Variants in LAMA3 observed in about 807,000 individuals in gnomAD.
The protein encoded by LAMA3 is laminin subunit alpha 3.
Under a neutral mutation model 402.0 loss-of-function variants are expected in LAMA3, and 281 were observed. The ratio of observed to expected loss-of-function variants is 0.70; its 90% confidence interval spans 0.63 to 0.77. The LOEUF (loss-of-function observed/expected upper bound fraction) is 0.77. Among genes scored for constraint, LAMA3 ranks in the 30% least tolerant of loss-of-function variants. LAMA3 has a pLI of 0.00. For missense variants in LAMA3, 3,840 were observed against 4,215.5 expected (o/e 0.91, Z 2.47); for synonymous variants, 1,431 against 1,558.4 (o/e 0.92, Z 1.93).
intron 35 of LAMA3, among the ~76,000 whole-genome samples, chr18:23,863,654 A>G (rs1352430353): frequency 6.6e-6 from 1 of 152,250 alleles, no homozygotes; most frequent in Non-Finnish European, 1.5e-5. Flanking sequence ...TACAGACTCT[A>G]GGGAAAAGCT....
chr18:23,791,752 A>C (rs1263327682), intron 12 of LAMA3, among the ~76,000 whole-genome samples: 1 of 151,460 alleles, frequency 6.6e-6, no homozygotes, highest in Non-Finnish European at 1.5e-5. Flanking sequence ...AAAAAAAAAA[A>C]AAAACCACAA....
At chr18:23,820,945 A>G (rs1479209450) in intron 19 of LAMA3, among the ~76,000 whole-genome samples, 1 of 152,154 alleles carries the variant, frequency 6.6e-6, no homozygotes, top group Non-Finnish European at 1.5e-5. Context: ...CTGAAATGGT[A>G]CCTAGGATCT....
At chr18:23,794,508 C>T (rs1036630926) in intron 12 of LAMA3, among the ~76,000 whole-genome samples, 13 of 152,200 alleles carry the variant, frequency 8.5e-5, no homozygotes, top group African/African-American at 2.9e-4. Flanking sequence ...TCCTACCACT[C>T]ACCTCTCCAC....
intron 12 of LAMA3, among the ~76,000 whole-genome samples, chr18:23,797,407 C>T (rs111629283): frequency 3.3e-5 from 5 of 152,252 alleles, no homozygotes; most frequent in African/African-American, 1.2e-4. Context: ...TTTGCTCTTT[C>T]TTGCTTTAAA....
chr18:23,889,339 AT>A (rs1334305310), intron 41 of LAMA3, among the ~76,000 whole-genome samples: 1 of 152,126 alleles, frequency 6.6e-6, no homozygotes, highest in African/African-American at 2.4e-5. Flanking sequence ...AGGCAGAAGG[AT>A]TGCTTGAGCC....
chr18:23,908,118 G>A (rs2081311927), intron 54 of LAMA3, among the ~76,000 whole-genome samples, 183 bp downstream of exon 54: 1 of 152,114 alleles, frequency 6.6e-6, no homozygotes, highest in Non-Finnish European at 1.5e-5. Context: ...GGACCAGACA[G>A]GATTTTTAAT....
At chr18:23,722,527 C>T (rs1457008923) in intron 2 of LAMA3, among the ~76,000 whole-genome samples, 1 of 152,222 alleles carries the variant, frequency 6.6e-6, no homozygotes, top group Non-Finnish European at 1.5e-5. Flanking sequence ...GTCTTGCTAT[C>T]ATCATGGACA....
chr18:23,949,959 AT>A (rs758599975), intron 71 of LAMA3, 35 bp downstream of exon 71: 2 of 1,614,004 alleles, frequency 1.2e-6, no homozygotes, highest in Admixed American at 3.3e-5. Context: ...AAGTCTTTGC[AT>A]CTTAAGAACT....
At chr18:23,836,104 GATACAC>G (rs963657825) in intron 24 of LAMA3, among the ~76,000 whole-genome samples, 1 of 75,716 alleles carries the variant, frequency 1.3e-5, no homozygotes, top group Non-Finnish European at 2.5e-5. Context: ...TGTTTTAATG[GATACAC>G]ACACACACAC....
Position 23,951,740 on chromosome 18 carries a change from GC to G in LAMA3, c.9700del (p.Gln3234SerfsTer15), listed in dbSNP as rs756212282. 47 of 1,613,908 alleles carry G rather than the reference GC, an allele frequency of 2.9e-5. No individual in the cohort carries two copies. The highest frequency in any genetic ancestry group is 1.5e-4 in the Admixed American group (9 of 60,000). ...GGTSTSVTPK[Q>X]SLCDGQWHSV... ...GGACCTCAACGTCGGTCACACCAAA[GC>G]AGTCTCTGTGTGATGGACAGTGGCA... On this transcript the variant is annotated frameshift_variant, in exon 73 of 75. Coordinates refer to ENST00000313654, the MANE Select transcript of LAMA3 (RefSeq NM_198129.4). LOFTEE classifies it high-confidence loss of function.
intron 7 of LAMA3, among the ~76,000 whole-genome samples, 175 bp downstream of exon 7, chr18:23,758,686 T>C (rs1360744407): frequency 6.6e-6 from 1 of 152,240 alleles, no homozygotes; most frequent in Non-Finnish European, 1.5e-5. Flanking sequence ...CTCCTCTGAA[T>C]TCAGATGTAC....
chr18:23,903,879 C>G, intron 49 of LAMA3, 54 bp from the exon 50 acceptor site: 1 of 1,389,964 alleles, frequency 7.2e-7, no homozygotes, highest in Non-Finnish European at 1.0e-6. Context: ...GAGAAATCAG[C>G]ACCTACATTC....
intron 69 of LAMA3, 140 bp from the exon 70 acceptor site, chr18:23,946,004 G>A (rs757062223): frequency 1.2e-6 from 1 of 824,918 alleles, no homozygotes; most frequent in African/African-American, 1.7e-5. Context: ...GATAACCGGA[G>A]GAAAAAATCT....
rs1477546359 is a variant in LAMA3, at chr18:23,894,995, G to A, written c.5550G>A (p.Leu1850=). Residue 1850 remains leucine (L), a synonymous_variant, in exon 44 of 75, where the codon CTG becomes CTA. Transcript: ENST00000313654. ...LRLVKSQLQG[L]SASAGLLEQM... is the part of the protein sequence containing the mutation. ...TGGTCAAGTCTCAGCTGCAGGGCCT[G>A]AGTGCCAGCGCAGGGCTTCTGGAGC... is the stretch of plus-strand genomic sequence containing the variant. 1 of 1,613,446 alleles carries A rather than the reference G, an allele frequency of 6.2e-7. No homozygotes were observed. The highest frequency in any genetic ancestry group is 1.1e-5 in the South Asian group (1 of 90,930).
Position 23,850,746 on chromosome 18 carries a change from T to C in LAMA3, c.4136+3078T>C, listed in dbSNP as rs548106630. Among the ~76,000 whole-genome samples the C allele has an allele frequency of 1.9e-4, 29 of 152,342 alleles. No individual in the cohort carries two copies. The South Asian group carries it at 5.8e-3, about 30-fold the overall frequency. On this transcript the variant is annotated intron_variant, in intron 32 of 74. Transcript: ENST00000313654. ...GTAAATTTGCATCTGCTCCTAGTAA[T>C]GGAAGATATGTGCCATCAGATTCTC...
At chr18:23,909,499 T>C (rs2081362716) in intron 55 of LAMA3, among the ~76,000 whole-genome samples, 1 of 152,258 alleles carries the variant, frequency 6.6e-6, no homozygotes, top group Admixed American at 6.5e-5. Context: ...TTATCTGGTA[T>C]ATCAGGATCC....
At chr18:23,894,804 A>G in intron 43 of LAMA3, 103 bp from the exon 44 acceptor site, 1 of 1,450,220 alleles carries the variant, frequency 6.9e-7, no homozygotes, top group South Asian at 1.2e-5. Context: ...GTCACCCGTG[A>G]CGATCTGCGT....
intron 11 of LAMA3, among the ~76,000 whole-genome samples, chr18:23,779,212 GT>G (rs1441198264): frequency 5.9e-5 from 9 of 152,180 alleles, no homozygotes; most frequent in Non-Finnish European, 2.9e-5. Flanking sequence ...GCCATGGAGA[GT>G]TTTGCACAGA....
intron 32 of LAMA3, among the ~76,000 whole-genome samples, chr18:23,848,319 A>G (rs2063867716): frequency 6.6e-6 from 1 of 151,404 alleles, no homozygotes; most frequent in South Asian, 2.1e-4. Context: ...ACCTCGGCTC[A>G]TGCAGATGCT....
Sources: gnomAD v4.1 joint callset for allele counts (sites outside exome capture counted in the v4.1 genomes callset) on GRCh38, gnomAD v4.1.1 for gene constraint, MANE v1.5 for transcripts, NCBI Gene and HGNC (gene_info 2026-07-23, HGNC 2026-07-21) for gene names.